The following FHIT variants were observed in gnomAD, a reference collection of about 807,000 sequenced individuals.
FHIT encodes the protein fragile histidine triad diadenosine triphosphatase.
A neutral mutation model predicts 17.9 loss-of-function variants in FHIT; 19 were observed. The ratio of observed to expected loss-of-function variants is 1.06; its 90% confidence interval spans 0.74 to 1.56. The LOEUF (loss-of-function observed/expected upper bound fraction) is 1.56. Ranked by LOEUF, FHIT falls within the 40% of genes most tolerant of loss-of-function variation. The pLI is 0.00. For synonymous variants in FHIT, 81 were observed against 69.7 expected, an observed-to-expected ratio of 1.16 and a Z score of -0.81; for missense variants, 248 against 189.2, an observed-to-expected ratio of 1.31 and a Z score of -1.82.
intron 3 of FHIT, among the ~76,000 whole-genome samples, chr3:60,913,963 C>G (rs1157875296): frequency 1.3e-5 from 2 of 152,200 alleles, no homozygotes; most frequent in African/African-American, 4.8e-5. Context: ...GCATTTCTGC[C>G]ATTTTCTGTT....
intron 5 of FHIT, among the ~76,000 whole-genome samples, chr3:60,296,447 G>C (rs1318131341): frequency 6.6e-6 from 1 of 152,062 alleles, no homozygotes; most frequent in Non-Finnish European, 1.5e-5. Flanking sequence ...ATCTTTTTGT[G>C]TGTTTATCAG....
intron 3 of FHIT, among the ~76,000 whole-genome samples, chr3:60,893,444 G>A (rs1333171771): frequency 6.6e-6 from 1 of 152,110 alleles, no homozygotes; most frequent in African/African-American, 2.4e-5. Flanking sequence ...AATGGTTAAA[G>A]GGAAGATTTT....
intron 4 of FHIT, among the ~76,000 whole-genome samples, chr3:60,539,468 A>T (rs1353175371): frequency 2.0e-5 from 3 of 152,232 alleles, no homozygotes; most frequent in Non-Finnish European, 2.9e-5. Context: ...ATTATAAATC[A>T]TGCTGCTATA....
At chr3:60,361,000 A>T (rs1279312312) in intron 5 of FHIT, among the ~76,000 whole-genome samples, 1 of 152,186 alleles carries the variant, frequency 6.6e-6, no homozygotes, top group Non-Finnish European at 1.5e-5. Flanking sequence ...CCACAAATTC[A>T]TATACCTCCC....
At chr3:59,991,353 G>C (rs1468903278) in intron 7 of FHIT, among the ~76,000 whole-genome samples, 4 of 152,046 alleles carry the variant, frequency 2.6e-5, no homozygotes, top group Non-Finnish European at 5.9e-5. Context: ...AAGGTATTTT[G>C]TCAAGTATTT....
chr3:60,974,403 A>T (rs1710150627), intron 3 of FHIT, among the ~76,000 whole-genome samples: 1 of 152,186 alleles, frequency 6.6e-6, no homozygotes, highest in African/African-American at 2.4e-5. Context: ...ATTGAGACTC[A>T]GTACTTGGAT....
chr3:60,455,594 A>G (rs2032040129), intron 5 of FHIT, among the ~76,000 whole-genome samples: 1 of 152,140 alleles, frequency 6.6e-6, no homozygotes, highest in African/African-American at 2.4e-5. Flanking sequence ...ATTATTATGG[A>G]TATTATCAGG....
chr3:60,546,955 A>G (rs2036387921), intron 4 of FHIT, among the ~76,000 whole-genome samples: 1 of 152,116 alleles, frequency 6.6e-6, no homozygotes, highest in Admixed American at 6.6e-5. Context: ...TAGTACACCT[A>G]TTTCTTCAAG....
intron 5 of FHIT, among the ~76,000 whole-genome samples, chr3:60,092,636 G>T (rs931638000): frequency 6.6e-6 from 1 of 152,116 alleles, no homozygotes; most frequent in Non-Finnish European, 1.5e-5. Context: ...CAGCAAGAGA[G>T]GATTAATGAA....
intron 3 of FHIT, chr3:60,912,835 T>C (rs1706815004): frequency 2.0e-6 from 1 of 505,586 alleles, no homozygotes; most frequent in Non-Finnish European, 3.9e-6. Flanking sequence ...TAAAAAGCTA[T>C]ATAAGGTCAC....
intron 8 of FHIT, among the ~76,000 whole-genome samples, chr3:59,830,111 T>A (rs1383845933): frequency 6.6e-6 from 1 of 152,006 alleles, no homozygotes; most frequent in Non-Finnish European, 1.5e-5. Context: ...CCTCAAAAGT[T>A]TACATTAGTG....
At chr3:60,669,508 A>T (rs184534040) in intron 4 of FHIT, among the ~76,000 whole-genome samples, 1 of 152,204 alleles carries the variant, frequency 6.6e-6, no homozygotes, top group East Asian at 1.9e-4. Context: ...ACACACACAT[A>T]TATACACACT....
chr3:60,921,672 G>A (rs1707291029), intron 3 of FHIT, among the ~76,000 whole-genome samples: 1 of 151,790 alleles, frequency 6.6e-6, no homozygotes, highest in Non-Finnish European at 1.5e-5. Flanking sequence ...TAAATCAAAA[G>A]CCACTTACTT....
intron 7 of FHIT, among the ~76,000 whole-genome samples, chr3:59,945,031 G>C (rs185189939): frequency 1.5e-4 from 23 of 152,192 alleles, no homozygotes; most frequent in Admixed American, 1.2e-3. Context: ...ATTTTCCTTT[G>C]TGTATATACT....
intron 8 of FHIT, among the ~76,000 whole-genome samples, chr3:59,807,258 C>T (rs1412243607): frequency 6.6e-6 from 1 of 152,170 alleles, no homozygotes; most frequent in Non-Finnish European, 1.5e-5. Context: ...GCCCCAAATC[C>T]AATGTCACAC....
At chr3:60,647,579 G>T (rs2039890847) in intron 4 of FHIT, among the ~76,000 whole-genome samples, 1 of 152,050 alleles carries the variant, frequency 6.6e-6, no homozygotes, top group Admixed American at 6.5e-5. Context: ...AATGTTCAAA[G>T]GATTACTTAA....
intron 3 of FHIT, among the ~76,000 whole-genome samples, chr3:60,986,622 GC>G (rs1335477325): frequency 2.6e-5 from 4 of 152,178 alleles, no homozygotes; most frequent in Non-Finnish European, 4.4e-5. Flanking sequence ...CCATTTTGAT[GC>G]CCCCCAGTTA....
chr3:60,180,302 T>A (rs898581360), intron 5 of FHIT, among the ~76,000 whole-genome samples: 4 of 152,328 alleles, frequency 2.6e-5, no homozygotes, highest in African/African-American at 9.6e-5. Flanking sequence ...CTTGTGCTTA[T>A]GCTGAAGTTA....
rs188433398 is a variant in FHIT, at chr3:59,911,051, C to G, written c.348+11295G>C. 1.4e-3 allele frequency among the ~76,000 whole-genome samples: 220 copies of G among 152,174 alleles called. 1 individual carries two copies. The highest frequency in any genetic ancestry group is 5.1e-3 in the African/African-American group (211 of 41,522). Reference sequence around the variant, plus strand: ...ATATAACTTTTCTCTCTCCAGTTTCCCATTTTTACTAATGATAAATCATGG... The same window carrying G: ...ATATAACTTTTCTCTCTCCAGTTTCGCATTTTTACTAATGATAAATCATGG... On this transcript the variant is annotated intron_variant, in intron 8 of 9. Coordinates refer to ENST00000492590, the MANE Select transcript of FHIT (RefSeq NM_002012.4).
Sources: allele counts gnomAD v4.1 joint callset (sites outside exome capture counted in the v4.1 genomes callset), GRCh38; gene constraint gnomAD v4.1.1; transcripts MANE v1.5; gene names NCBI Gene and HGNC (gene_info 2026-07-23, HGNC 2026-07-21).